Variants in TEX9 observed in about 807,000 individuals in gnomAD.
TEX9 encodes testis expressed 9, also known as testis-expressed protein 9.
In TEX9, 74 loss-of-function variants were observed where a neutral mutation model predicts 59.6. That is an observed-to-expected ratio of 1.24 (90% CI 1.03 to 1.51). The LOEUF is 1.51. Ranked by LOEUF, TEX9 falls within the 40% of genes most tolerant of loss-of-function variation. TEX9 has a pLI of 0.00. For synonymous variants in TEX9, 186 were observed against 152.2 expected, an observed-to-expected ratio of 1.22 and a Z score of -1.64; for missense variants, 522 against 447.8, an observed-to-expected ratio of 1.17 and a Z score of -1.49.
chr15:56,315,852 T>G (rs557272855), intron 1 of TEX9, among the ~76,000 whole-genome samples: 10 of 149,564 alleles, frequency 6.7e-5, no homozygotes, highest in African/African-American at 2.4e-4. Flanking sequence ...GCTCATTTCT[T>G]TTTATTATTT....
intron 1 of TEX9, among the ~76,000 whole-genome samples, chr15:56,354,454 G>A (rs1263916106): frequency 6.6e-5 from 10 of 152,040 alleles, no homozygotes; most frequent in Non-Finnish European, 1.5e-4. Flanking sequence ...AAAAGGTGGG[G>A]GAAAGACATA....
At chr15:56,247,643 C>A (rs2043893339) in intron 1 of TEX9, among the ~76,000 whole-genome samples, 1 of 152,160 alleles carries the variant, frequency 6.6e-6, no homozygotes, top group Non-Finnish European at 1.5e-5. Context: ...GACAAAAACC[C>A]ACTTTACAAA....
intron 10 of TEX9, among the ~76,000 whole-genome samples, chr15:56,412,695 T>G (rs530185016): frequency 6.6e-6 from 1 of 152,310 alleles, no homozygotes; most frequent in East Asian, 1.9e-4. Context: ...GCCCATATTA[T>G]ATGTCAGACA....
intron 1 of TEX9, among the ~76,000 whole-genome samples, chr15:56,304,410 G>T (rs116294316): frequency 0.03 from 4,510 of 152,158 alleles, 216 homozygotes; most frequent in African/African-American, 0.1. Flanking sequence ...TTTTGTTGAG[G>T]TATCTTCATT....
chr15:56,416,303 G>T (rs1244199176), intron 10 of TEX9, among the ~76,000 whole-genome samples: 3 of 151,838 alleles, frequency 2.0e-5, no homozygotes, highest in Non-Finnish European at 2.9e-5. Context: ...GTTTTCAAGG[G>T]AATGCTTCCA....
intron 1 of TEX9, among the ~76,000 whole-genome samples, chr15:56,277,528 T>C (rs1457011860): frequency 6.6e-6 from 1 of 152,198 alleles, no homozygotes; most frequent in Non-Finnish European, 1.5e-5. Flanking sequence ...GTTCCGTTGG[T>C]CTATAGATCT....
chr15:56,365,564 G>C lies in TEX9; in HGVS notation c.28-15G>C. 10 of 1,614,208 alleles carry C rather than the reference G, an allele frequency of 6.2e-6. No individual in the cohort carries two copies. Among genetic ancestry groups the C allele is most frequent in the Non-Finnish European group, 8.5e-6 (10 of 1,180,036 alleles). ...CCTTTAACTTCGGGTCTGAAAGTCT[G>C]TGGCTCTTTTACAGAGAAGCAGCGT... is the stretch of plus-strand genomic sequence containing the variant. On this transcript the variant is annotated splice_polypyrimidine_tract_variant and intron_variant, in intron 1 of 12. Coordinates refer to ENST00000352903, the Ensembl canonical transcript of TEX9.
chr15:56,262,814 G>A (rs1344588239), intron 1 of TEX9, among the ~76,000 whole-genome samples: 3 of 152,128 alleles, frequency 2.0e-5, no homozygotes, highest in Non-Finnish European at 4.4e-5. Flanking sequence ...GGATTGTTGT[G>A]TTTTCCTGTT....
At chr15:56,440,332 T>C (rs563217508) in intron 12 of TEX9, among the ~76,000 whole-genome samples, 1 of 152,198 alleles carries the variant, frequency 6.6e-6, no homozygotes, top group Non-Finnish European at 1.5e-5. Flanking sequence ...CTGGTGAGAA[T>C]GCAGACAGAC....
At chr15:56,341,696 G>T (rs182045575) in intron 1 of TEX9, among the ~76,000 whole-genome samples, 1 of 152,174 alleles carries the variant, frequency 6.6e-6, no homozygotes, top group East Asian at 1.9e-4. Context: ...AAAAATAATA[G>T]TAATTATTAT....
chr15:56,347,863 T>C (rs1374820148), intron 1 of TEX9, among the ~76,000 whole-genome samples: 1 of 152,046 alleles, frequency 6.6e-6, no homozygotes, highest in Non-Finnish European at 1.5e-5. Context: ...CAAGCAACAC[T>C]TTTTATAAAG....
rs549102553 is a variant in TEX9, at chr15:56,271,421, T to C, written c.-107+27143T>C. On this transcript the variant is annotated intron_variant, in intron 1 of 5. Transcript: ENST00000560827. ...CACTGATACCCTTTCTTCCACTTAA[T>C]GGAATCGGCTACTGAAGCTTGTGCA... Among the ~76,000 whole-genome samples the C allele has an allele frequency of 7.9e-5, 12 of 152,344 alleles. 1 individual carries two copies. The South Asian group carries it at 2.1e-3, about 26-fold the overall frequency.
chr15:56,423,480 A>T (rs1357291042), intron 10 of TEX9, among the ~76,000 whole-genome samples: 1 of 152,182 alleles, frequency 6.6e-6, no homozygotes, highest in Non-Finnish European at 1.5e-5. Flanking sequence ...TTCCATGTGC[A>T]CTTGAGAAAA....
chr15:56,381,769 G>A (rs1156513598), intron 3 of TEX9, among the ~76,000 whole-genome samples: 1 of 152,196 alleles, frequency 6.6e-6, no homozygotes, highest in Non-Finnish European at 1.5e-5. Context: ...AAGCACCCCT[G>A]TGCCCAGCAC....
chr15:56,446,044 C>A (rs745884098), downstream of TEX9: 1 of 151,978 alleles, frequency 6.6e-6, no homozygotes, highest in African/African-American at 2.4e-5. Flanking sequence ...ATTGTACACA[C>A]GCAACACACA....
At chr15:56,453,015 G>A in the TEX9 span, among the ~76,000 whole-genome samples, 88 of 152,072 alleles carry the variant, frequency 5.8e-4, no homozygotes, top group South Asian at 1.7e-3. Flanking sequence ...TCCTATTATC[G>A]TATTTTATTC....
intron 12 of TEX9, chr15:56,429,191 T>TC (rs778840180): frequency 6.3e-7 from 1 of 1,580,630 alleles, no homozygotes; most frequent in Non-Finnish European, 8.6e-7. Flanking sequence ...TTTTAAATAC[T>TC]CCCTACGAGA....
intron 1 of TEX9, among the ~76,000 whole-genome samples, chr15:56,270,958 T>C (rs868604138): frequency 6.6e-6 from 1 of 152,244 alleles, no homozygotes; most frequent in Non-Finnish European, 1.5e-5. Context: ...TGTTGAATAT[T>C]GGTCCCCACT....
intron 1 of TEX9, among the ~76,000 whole-genome samples, chr15:56,334,432 G>T (rs1453490011): frequency 6.6e-6 from 1 of 152,092 alleles, no homozygotes; most frequent in East Asian, 1.9e-4. Flanking sequence ...TTAATAAATC[G>T]TGCTGGAAAA....
Sources: allele counts gnomAD v4.1 joint callset (sites outside exome capture counted in the v4.1 genomes callset), GRCh38; gene constraint gnomAD v4.1.1; transcripts MANE v1.5; gene names NCBI Gene and HGNC (gene_info 2026-07-23, HGNC 2026-07-21).